SDHA: variants seen among roughly 807,000 people sequenced by gnomAD.
SDHA encodes succinate dehydrogenase [ubiquinone] flavoprotein subunit, mitochondrial.
In SDHA, 48 loss-of-function variants were observed where a neutral mutation model predicts 78.4. That is an observed-to-expected ratio of 0.61 (90% confidence interval 0.49 to 0.78). SDHA has a LOEUF of 0.78. SDHA is among the 30% of genes least tolerant of loss of function. The probability of loss-of-function intolerance (pLI) is 0.00; values close to 1 mark genes in which losing one functional copy is unlikely to be tolerated. For missense variants in SDHA, 680 were observed against 892.7 expected, an observed-to-expected ratio of 0.76 and a Z score of 3.04; for synonymous variants, 326 against 353.9, an observed-to-expected ratio of 0.92 and a Z score of 0.88.
chr5:250,725 C>T (rs2126631234), intron 11 of SDHA: 1 of 428,454 alleles, frequency 2.3e-6, no homozygotes, highest in African/African-American at 2.0e-5. Context: ...TGCTTGGAGT[C>T]CTGGACCCTG....
At chr5:223,396 A>G in intron 1 of SDHA, 86 bp from the exon 2 acceptor site, 1 of 981,640 alleles carries the variant, frequency 1.0e-6, no homozygotes, top group South Asian at 1.3e-5. Context: ...GAAGGTGAAC[A>G]GTTTGCAAGG....
Position 228,280 on chromosome 5 carries a change from A to G in SDHA, c.717A>G (p.Ile239Met), listed in dbSNP as rs1322709882. 1 of 1,613,982 alleles carries G rather than the reference A, an allele frequency of 6.2e-7. No individual in the cohort carries two copies. The highest frequency in any genetic ancestry group is 1.7e-5 in the Admixed American group (1 of 60,022). Residue 239 changes from isoleucine to methionine, a missense_variant, in exon 6 of 15, where the codon ATA (isoleucine) becomes ATG (methionine). Coordinates refer to ENST00000264932, the MANE Select transcript of SDHA (RefSeq NM_004168.4). ...GCCGTGGTGTCATCGCACTGTGCAT[A>G]GAGGACGGGTCCATCCATCGCATAA... ...GECRGVIALC[I>M]EDGSIHRIRA... is the part of the protein sequence containing the mutation.
Position 244,104 on chromosome 5 carries a change from C to T in SDHA, c.1551+3628C>T, listed in dbSNP as rs1261790683. Among the ~76,000 whole-genome samples the T allele has an allele frequency of 5.9e-5, 9 of 152,194 alleles. No homozygotes were observed. The East Asian group carries it at 1.7e-3, about 30-fold the overall frequency. ...ATTTTGGGAAATGCCATGAGGGGCC[C>T]GTCCTGGGTCCCGTTCCAAACCGGG... On this transcript the variant is annotated intron_variant, in intron 11 of 14. Coordinates refer to ENST00000264932, the MANE Select transcript of SDHA (RefSeq NM_004168.4).
intron 14 of SDHA, among the ~76,000 whole-genome samples, chr5:254,719 C>T (rs997329637): frequency 1.3e-5 from 2 of 152,086 alleles, no homozygotes; most frequent in Admixed American, 6.5e-5. Context: ...TCAGAGGAGC[C>T]TTAAGGAAGG....
rs751329013 is a variant in SDHA, at chr5:251,456, G to A, written c.1782G>A (p.Arg594=). ...AGGAGTCACGGGGCGCGCATGCCAG[G>A]GAAGACTACAAGGTGGGCCTTCTCA... ...ARKESRGAHA[R]EDYKVRIDEY... The change falls in exon 13 of 15, where the codon AGG becomes AGA. Residue 594 remains arginine, a synonymous_variant. Coordinates refer to ENST00000264932, the MANE Select transcript of SDHA (RefSeq NM_004168.4). 4 of 1,613,848 alleles carry A rather than the reference G, an allele frequency of 2.5e-6. No individual in the cohort carries two copies. In the East Asian group the frequency reaches 6.7e-5, roughly 27 times the overall value.
chr5:253,840 G>C (rs1252925624), intron 13 of SDHA, among the ~76,000 whole-genome samples: 4 of 152,140 alleles, frequency 2.6e-5, no homozygotes, highest in Admixed American at 6.5e-5. Flanking sequence ...GCAGGCCAAT[G>C]ACTTGAGCCC....
chr5:266,874 G>T, the SDHA span, among the ~76,000 whole-genome samples: 746 of 93,864 alleles, frequency 7.9e-3, 27 homozygotes, highest in African/African-American at 0.034. Context: ...CACGGTGGCC[G>T]CTGTGTCTAA....
chr5:235,107 G>A (rs201995189), intron 8 of SDHA, 37 bp from the exon 9 acceptor site: 37 of 1,603,842 alleles, frequency 2.3e-5, no homozygotes, highest in Admixed American at 6.7e-5. Context: ...TGCCGTTGCC[G>A]TTCTCTGCCG....
At chr5:238,558 C>T (rs1483871818) in intron 10 of SDHA, among the ~76,000 whole-genome samples, 1 of 151,986 alleles carries the variant, frequency 6.6e-6, no homozygotes, top group East Asian at 1.9e-4. Context: ...TTTGTAGGGA[C>T]AGGGTCTCCC....
At chr5:225,298 A>G in intron 3 of SDHA, 121 bp from the exon 4 acceptor site, 1 of 1,289,116 alleles carries the variant, frequency 7.8e-7, no homozygotes, top group African/African-American at 1.5e-5. Flanking sequence ...GTCAGCCCTC[A>G]CTGGGAGTCA....
At chr5:241,555 C>T (rs1736140002) in intron 11 of SDHA, among the ~76,000 whole-genome samples, 1 of 152,198 alleles carries the variant, frequency 6.6e-6, no homozygotes, top group Non-Finnish European at 1.5e-5. Context: ...GTATGGCAGC[C>T]ATTAGCCATG....
intron 11 of SDHA, among the ~76,000 whole-genome samples, chr5:242,937 G>T (rs1312976947): frequency 6.6e-6 from 1 of 152,206 alleles, no homozygotes; most frequent in East Asian, 1.9e-4. Context: ...AAGCGGCAAA[G>T]GAGGGAGAGG....
At position 231,006 on chromosome 5, in the gene SDHA, G is replaced by A. The variant is rs765946047; in HGVS notation, c.895+6G>A. On this transcript the variant is annotated splice_donor_region_variant and intron_variant, in intron 7 of 14. Transcript: ENST00000264932. ...TGTTCAGTTCCACCCTACAGGTAGG[G>A]CAGGACGCCTTGCCCGGCAGGTGTT... 4 of 1,613,792 alleles carry A rather than the reference G, an allele frequency of 2.5e-6. No homozygotes were observed. The highest frequency in any genetic ancestry group is 2.7e-5 in the African/African-American group (2 of 74,930).
chr5:252,891 T>A (rs1228763267), intron 13 of SDHA: 1 of 152,428 alleles, frequency 6.6e-6, no homozygotes, highest in African/African-American at 2.4e-5. Context: ...GAAATGCCAG[T>A]TTATTAATGA....
intron 11 of SDHA, among the ~76,000 whole-genome samples, chr5:247,279 A>G (rs965671229): frequency 2.6e-5 from 4 of 152,234 alleles, no homozygotes; most frequent in Non-Finnish European, 5.9e-5. Context: ...TTACGATTTC[A>G]TACAGATGAA....
chr5:244,021 A>T (rs1490803495), intron 11 of SDHA, among the ~76,000 whole-genome samples: 1 of 152,162 alleles, frequency 6.6e-6, no homozygotes, highest in African/African-American at 2.4e-5. Flanking sequence ...CAAAATGTAA[A>T]AAAGGAAAAC....
At chr5:261,740 C>T (rs1437125382), downstream of SDHA, among the ~76,000 whole-genome samples, 1 of 22,042 alleles carries the variant, frequency 4.5e-5, no homozygotes, top group Non-Finnish European at 1.0e-4. Flanking sequence ...CTCCGCCTCC[C>T]GGCAGAGCAT....
intron 11 of SDHA, chr5:249,281 G>A (rs893781269): frequency 1.6e-5 from 4 of 245,646 alleles, no homozygotes; most frequent in African/African-American, 9.5e-5. Flanking sequence ...CCGTAACAAA[G>A]CTGCCTTTGC....
rs781672379 is a variant in SDHA at position 224,324 on chromosome 5, G to A, written c.151-36G>A. ...AAGATTCTTCATGTTTGGCATAGTG[G>A]AACATGTGATTGACAGGTGAATTTT... is the stretch of plus-strand genomic sequence containing the variant. On this transcript the variant is annotated intron_variant, in intron 2 of 14. Coordinates refer to ENST00000264932, the MANE Select transcript of SDHA (RefSeq NM_004168.4). The A allele has an allele frequency of 4.4e-6, 7 of 1,605,756 alleles. No homozygotes were observed. In the South Asian group the frequency reaches 7.7e-5, roughly 18 times the overall value.
Sources: allele counts gnomAD v4.1 joint callset (sites outside exome capture counted in the v4.1 genomes callset), GRCh38; gene constraint gnomAD v4.1.1; transcripts MANE v1.5; gene names NCBI Gene and HGNC (gene_info 2026-07-23, HGNC 2026-07-21).